Variants in ESRRG observed in about 807,000 individuals in gnomAD.
ESRRG encodes the protein estrogen-related receptor gamma.
Under a neutral mutation model 44.0 loss-of-function variants are expected in ESRRG, and 13 were observed. That is an observed-to-expected ratio of 0.30 (90% CI 0.19 to 0.47). The LOEUF is 0.47. ESRRG is among the 20% of genes least tolerant of loss of function. ESRRG has a pLI of 1.00. For synonymous variants in ESRRG, 215 were observed against 214.6 expected (o/e 1.00, Z -0.02); for missense variants, 395 against 580.6 (o/e 0.68, Z 3.29).
intron 2 of ESRRG, among the ~76,000 whole-genome samples, chr1:216,657,412 C>T (rs1224400844): frequency 2.0e-5 from 3 of 152,180 alleles, no homozygotes; most frequent in Non-Finnish European, 4.4e-5. Flanking sequence ...AGAACTGCCA[C>T]CAGAGCCACT....
intron 2 of ESRRG, among the ~76,000 whole-genome samples, chr1:216,655,344 G>A (rs1359294805): frequency 6.6e-6 from 1 of 152,122 alleles, no homozygotes; most frequent in African/African-American, 2.4e-5. Flanking sequence ...TGGTGTCATG[G>A]TTCAGGATGC....
At chr1:216,688,865 G>T (rs1451178915) in intron 1 of ESRRG, among the ~76,000 whole-genome samples, 8 of 152,134 alleles carry the variant, frequency 5.3e-5, no homozygotes, top group Admixed American at 5.2e-4. Flanking sequence ...AAGGAAACTC[G>T]AGAGAGTGGT....
rs1335959874 is a variant in ESRRG at position 216,538,576 on chromosome 1, T to C, written c.863-19155A>G. 2.6e-5 allele frequency among the ~76,000 whole-genome samples: 4 copies of C among 152,066 alleles called. 1 individual carries two copies. Among genetic ancestry groups the C allele is most frequent in the Admixed American group, 1.3e-4 (2 of 15,258 alleles). On this transcript the variant is annotated intron_variant, in intron 5 of 6. Coordinates refer to ENST00000408911, the MANE Select transcript of ESRRG (RefSeq NM_001438.4). The stretch of plus-strand genomic sequence containing the variant: ...GTAATTCCTCCAGGGAAACGCAGGA[T>C]AAGCCTGAGAAGCTTGAAGAGTTTG...
At chr1:216,841,509 T>C (rs992645167) in intron 2 of ESRRG, among the ~76,000 whole-genome samples, 40 of 152,110 alleles carry the variant, frequency 2.6e-4, no homozygotes, top group African/African-American at 9.4e-4. Context: ...CAACTTCATT[T>C]AGGATGGAAC....
chr1:216,890,838 A>C (rs1218418341), intron 2 of ESRRG, among the ~76,000 whole-genome samples: 1 of 152,132 alleles, frequency 6.6e-6, no homozygotes, highest in Non-Finnish European at 1.5e-5. Flanking sequence ...AAACACATAA[A>C]ACTGTGTGCA....
At chr1:217,055,340 G>T (rs2086866376) in intron 1 of ESRRG, among the ~76,000 whole-genome samples, 1 of 152,012 alleles carries the variant, frequency 6.6e-6, no homozygotes, top group Admixed American at 6.6e-5. Context: ...ATTATAGAGG[G>T]GAGAGAGTCC....
At chr1:217,118,195 C>A (rs2092762914) in intron 1 of ESRRG, among the ~76,000 whole-genome samples, 2 of 152,208 alleles carry the variant, frequency 1.3e-5, no homozygotes, top group African/African-American at 4.8e-5. Flanking sequence ...TTGCCCAGGG[C>A]TATACCACTA....
intron 2 of ESRRG, among the ~76,000 whole-genome samples, chr1:216,927,475 G>A (rs866814869): frequency 2.6e-5 from 4 of 152,170 alleles, no homozygotes; most frequent in Middle Eastern, 3.2e-3. Flanking sequence ...GGATCCAAGG[G>A]GCTGAGGAGC....
chr1:216,589,670 G>A (rs375693657), intron 3 of ESRRG, among the ~76,000 whole-genome samples: 2 of 152,078 alleles, frequency 1.3e-5, no homozygotes, highest in African/African-American at 2.4e-5. Flanking sequence ...CTGGGAGGCC[G>A]AGGCAGGTGG....
At chr1:216,776,185 A>T in intron 2 of ESRRG, among the ~76,000 whole-genome samples, 1 of 152,074 alleles carries the variant, frequency 6.6e-6, no homozygotes, top group East Asian at 1.9e-4. Flanking sequence ...ATCCTTTCTC[A>T]CTATCACCAC....
chr1:216,739,674 G>A (rs1378452257), intron 2 of ESRRG, among the ~76,000 whole-genome samples: 2 of 152,176 alleles, frequency 1.3e-5, no homozygotes, highest in African/African-American at 2.4e-5. Flanking sequence ...GCATGTTCGA[G>A]TTTGAGACCC....
Position 216,936,956 on chromosome 1 carries a change from C to T in ESRRG, c.-14+2626G>A, listed in dbSNP as rs189715547. Among the ~76,000 whole-genome samples the T allele has an allele frequency of 1.9e-4, 29 of 152,120 alleles. No homozygotes were observed. The East Asian group carries it at 4.1e-3, about 21-fold the overall frequency. Reference sequence around the variant, plus strand: ...CACATACCCAGGGGCAGAACTTAACCGAGAGGCATTCTCAAGCCATCCTGA... The same window carrying T: ...CACATACCCAGGGGCAGAACTTAACTGAGAGGCATTCTCAAGCCATCCTGA... On this transcript the variant is annotated intron_variant, in intron 2 of 7. Transcript: ENST00000359162.
intron 2 of ESRRG, among the ~76,000 whole-genome samples, chr1:216,806,806 C>G (rs2094807347): frequency 6.6e-6 from 1 of 152,098 alleles, no homozygotes; most frequent in Non-Finnish European, 1.5e-5. Context: ...GTTCGGCTGC[C>G]CTGGGAATTA....
chr1:216,693,631 C>T (rs1391711279), intron 1 of ESRRG, among the ~76,000 whole-genome samples: 1 of 152,142 alleles, frequency 6.6e-6, no homozygotes, highest in Non-Finnish European at 1.5e-5. Flanking sequence ...AACGTAAATG[C>T]TACGTAAATA....
chr1:216,975,101 G>T (rs1234485181), intron 1 of ESRRG, among the ~76,000 whole-genome samples: 1 of 152,064 alleles, frequency 6.6e-6, no homozygotes, highest in Non-Finnish European at 1.5e-5. Flanking sequence ...TGTTGATTCT[G>T]CAGCAAAGCC....
intron 2 of ESRRG, among the ~76,000 whole-genome samples, chr1:216,748,250 A>G (rs1485152611): frequency 6.6e-6 from 1 of 152,158 alleles, no homozygotes. Context: ...TGCTACCCAG[A>G]CGGAATGGAA....
intron 2 of ESRRG, among the ~76,000 whole-genome samples, chr1:216,853,435 C>G (rs1367650768): frequency 6.6e-6 from 1 of 152,180 alleles, no homozygotes; most frequent in Non-Finnish European, 1.5e-5. Flanking sequence ...TACTTGAGAT[C>G]TTTCCTATTT....
intron 2 of ESRRG, among the ~76,000 whole-genome samples, chr1:216,786,209 G>C (rs1406564332): frequency 6.6e-6 from 1 of 152,098 alleles, no homozygotes; most frequent in Non-Finnish European, 1.5e-5. Context: ...AATTCACTTA[G>C]AGATTCATGT....
chr1:216,705,135 G>C (rs377414989), intron 1 of ESRRG, among the ~76,000 whole-genome samples: 15 of 151,956 alleles, frequency 9.9e-5, no homozygotes, highest in East Asian at 9.6e-4. Context: ...TAATCAAGTA[G>C]GTACCTGTCC....
Sources: gnomAD v4.1 joint callset for allele counts (sites outside exome capture counted in the v4.1 genomes callset) on GRCh38, gnomAD v4.1.1 for gene constraint, MANE v1.5 for transcripts, NCBI Gene and HGNC (gene_info 2026-07-23, HGNC 2026-07-21) for gene names.